Variants in HDAC9 observed in about 807,000 individuals in gnomAD.
The protein encoded by HDAC9 is histone deacetylase 9.
Under a neutral mutation model 139.4 loss-of-function variants are expected in HDAC9, and 41 were observed. The observed-to-expected ratio is 0.29, with a 90% CI of 0.23 to 0.38. The LOEUF (loss-of-function observed/expected upper bound fraction) is 0.38. HDAC9 is among the 10% of genes least tolerant of loss of function. The pLI, the probability that HDAC9 is intolerant of heterozygous loss-of-function variation, is 1.00. For synonymous variants in HDAC9, 517 were observed against 476.2 expected, an observed-to-expected ratio of 1.09 and a Z score of -1.12; for missense variants, 1,147 against 1,297.0, an observed-to-expected ratio of 0.88 and a Z score of 1.78.
chr7:18,887,693 A>C (rs62448081), intron 22 of HDAC9, among the ~76,000 whole-genome samples: 4 of 152,202 alleles, frequency 2.6e-5, no homozygotes, highest in Non-Finnish European at 4.4e-5. Context: ...TCTTATGTGA[A>C]AATTAATACT....
intron 12 of HDAC9, among the ~76,000 whole-genome samples, chr7:18,721,386 T>C (rs189895241): frequency 2.6e-5 from 4 of 152,286 alleles, no homozygotes; most frequent in Non-Finnish European, 5.9e-5. Context: ...ATTTTGGAAA[T>C]AAAAATTTTT....
At chr7:18,510,918 A>G (rs1801313166) in intron 2 of HDAC9, among the ~76,000 whole-genome samples, 1 of 152,188 alleles carries the variant, frequency 6.6e-6, no homozygotes, top group African/African-American at 2.4e-5. Flanking sequence ...TTATCCTTAA[A>G]ACAGCATAAA....
At chr7:18,185,054 T>A (rs547682029) in intron 2 of HDAC9, among the ~76,000 whole-genome samples, 1 of 152,298 alleles carries the variant, frequency 6.6e-6, no homozygotes, top group Admixed American at 6.5e-5. Flanking sequence ...ATCACAAAAG[T>A]GTTTGATTAG....
intron 1 of HDAC9, among the ~76,000 whole-genome samples, chr7:18,451,397 GTGTGTATATA>G (rs1403677208): frequency 7.6e-6 from 1 of 130,996 alleles, no homozygotes; most frequent in Non-Finnish European, 1.7e-5. Flanking sequence ...GTGTGTGTGT[GTGTGTATATA>G]TGTGTGTGTG....
chr7:18,807,786 A>G (rs1269117714), intron 17 of HDAC9, among the ~76,000 whole-genome samples: 2 of 152,132 alleles, frequency 1.3e-5, no homozygotes, highest in African/African-American at 4.8e-5. Flanking sequence ...GTCAGAAAAG[A>G]TACTTGGTGT....
chr7:18,441,529 C>T (rs555583160), intron 1 of HDAC9, among the ~76,000 whole-genome samples: 2 of 152,252 alleles, frequency 1.3e-5, no homozygotes, highest in South Asian at 2.1e-4. Flanking sequence ...TTGGAAATAA[C>T]ATGAAGTGAT....
intron 1 of HDAC9, among the ~76,000 whole-genome samples, chr7:18,317,441 T>A (rs1799730227): frequency 6.6e-6 from 1 of 152,196 alleles, no homozygotes; most frequent in South Asian, 2.1e-4. Flanking sequence ...TGAAATTAAG[T>A]ATGCTTGACT....
intron 2 of HDAC9, among the ~76,000 whole-genome samples, chr7:18,247,699 A>C (rs1794646477): frequency 6.6e-6 from 1 of 152,186 alleles, no homozygotes. Flanking sequence ...AATTCTGGTG[A>C]GTGATGCATT....
intron 2 of HDAC9, among the ~76,000 whole-genome samples, chr7:18,521,738 G>A (rs1805112436): frequency 1.3e-5 from 2 of 151,968 alleles, no homozygotes; most frequent in Admixed American, 6.6e-5. Context: ...TTAGAAAAAC[G>A]ATAATAAATT....
chr7:18,753,257 ACT>A (rs1788602386), intron 14 of HDAC9, among the ~76,000 whole-genome samples: 1 of 151,942 alleles, frequency 6.6e-6, no homozygotes, highest in South Asian at 2.1e-4. Context: ...GATTTTGAAG[ACT>A]CTTATTGATT....
intron 2 of HDAC9, among the ~76,000 whole-genome samples, chr7:18,564,964 TTTA>T (rs769914900): frequency 0.25 from 915 of 3,688 alleles, 4 homozygotes; most frequent in Admixed American, 0.35. Flanking sequence ...ATGTATTTTA[TTTA>T]TTTATTTATT....
intron 2 of HDAC9, among the ~76,000 whole-genome samples, chr7:18,551,229 A>G (rs1325571184): frequency 6.6e-6 from 1 of 152,184 alleles, no homozygotes; most frequent in East Asian, 1.9e-4. Context: ...GAATGTCAGG[A>G]GATCTTTTTT....
At chr7:18,490,386 G>A (rs1358640818) in intron 1 of HDAC9, among the ~76,000 whole-genome samples, 1 of 152,036 alleles carries the variant, frequency 6.6e-6, no homozygotes, top group Admixed American at 6.6e-5. Flanking sequence ...GAAGGGAAGA[G>A]TTATTTTCAA....
chr7:18,848,647 T>G (rs1466691396), intron 21 of HDAC9, among the ~76,000 whole-genome samples: 1 of 152,050 alleles, frequency 6.6e-6, no homozygotes, highest in African/African-American at 2.4e-5. Flanking sequence ...TTTATGTTGT[T>G]TAAACTACTC....
chr7:18,370,158 T>A (rs10486301), intron 1 of HDAC9, among the ~76,000 whole-genome samples: 23 of 152,134 alleles, frequency 1.5e-4, no homozygotes, highest in African/African-American at 4.3e-4. Context: ...CCATTGTGCA[T>A]GTATTCTATA....
At chr7:18,679,519 TCTTTCTTTCTTC>T (rs1000343621) in intron 12 of HDAC9, among the ~76,000 whole-genome samples, 17 of 149,628 alleles carry the variant, frequency 1.1e-4, no homozygotes, top group African/African-American at 4.3e-4. Context: ...TTCTTTCCTT[TCTTTCTTTCTTC>T]CTTTCTTCCT....
intron 2 of HDAC9, among the ~76,000 whole-genome samples, chr7:18,550,732 C>G (rs1816834148): frequency 6.6e-6 from 1 of 152,022 alleles, no homozygotes. Flanking sequence ...ATGTGAGATG[C>G]CTGGAATGTT....
chr7:18,342,609 C>G (rs1315705085), intron 1 of HDAC9, among the ~76,000 whole-genome samples: 1 of 151,816 alleles, frequency 6.6e-6, no homozygotes, highest in African/African-American at 2.4e-5. Flanking sequence ...CTCTCTGCCT[C>G]AATTCCCTCA....
At chr7:18,370,052 C>A (rs559799072) in intron 1 of HDAC9, among the ~76,000 whole-genome samples, 1 of 152,070 alleles carries the variant, frequency 6.6e-6, no homozygotes, top group South Asian at 2.1e-4. Flanking sequence ...ACAAACAGAA[C>A]TTGTCAGTAG....
Sources: gnomAD v4.1 joint callset for allele counts (sites outside exome capture counted in the v4.1 genomes callset) on GRCh38, gnomAD v4.1.1 for gene constraint, MANE v1.5 for transcripts, NCBI Gene and HGNC (gene_info 2026-07-23, HGNC 2026-07-21) for gene names.